LTA4H: variants seen among roughly 807,000 people sequenced by gnomAD.
The protein encoded by LTA4H is leukotriene A4 hydrolase, also known as leukotriene A-4 hydrolase.
LTA4H carries 59 observed loss-of-function variants against 89.8 expected under a neutral mutation model. The ratio of observed to expected loss-of-function variants is 0.66; its 90% confidence interval spans 0.53 to 0.82. The LOEUF is 0.82. LTA4H is among the 40% of genes least tolerant of loss of function. The pLI is 0.00. For missense variants in LTA4H, 617 were observed against 727.0 expected (o/e 0.85, Z 1.74); for synonymous variants, 227 against 253.1 (o/e 0.90, Z 0.98).
At chr12:96,002,472 T>C (rs889906256) in intron 18 of LTA4H, among the ~76,000 whole-genome samples, 11 of 152,208 alleles carry the variant, frequency 7.2e-5, no homozygotes, top group African/African-American at 2.7e-4. Context: ...AGACCTTGAC[T>C]GAGATATTCT....
intron 1 of LTA4H, among the ~76,000 whole-genome samples, chr12:96,034,941 C>G (rs1950620181): frequency 6.6e-6 from 1 of 152,128 alleles, no homozygotes; most frequent in Admixed American, 6.5e-5. Flanking sequence ...GGTTCTGGGC[C>G]GCAGGCCGAA....
intron 18 of LTA4H, among the ~76,000 whole-genome samples, chr12:96,001,903 G>A (rs1428046132): frequency 2.0e-5 from 3 of 151,656 alleles, no homozygotes; most frequent in African/African-American, 7.3e-5. Context: ...GGCTGGAGGA[G>A]CTGGAGAGCA....
At chr12:96,039,174 C>T (rs1950670131), upstream of LTA4H, among the ~76,000 whole-genome samples, 1 of 152,048 alleles carries the variant, frequency 6.6e-6, no homozygotes, top group Admixed American at 6.6e-5. Flanking sequence ...TGCTTGAGCC[C>T]AGGAGTTTGA....
chr12:96,034,620 C>T (rs1477354019), intron 1 of LTA4H, among the ~76,000 whole-genome samples: 1 of 152,186 alleles, frequency 6.6e-6, no homozygotes, highest in Non-Finnish European at 1.5e-5. Flanking sequence ...AGAAAGGACC[C>T]TGAAGAGAGA....
upstream of LTA4H, among the ~76,000 whole-genome samples, chr12:96,036,354 G>A (rs1484790054): frequency 6.6e-6 from 1 of 152,178 alleles, no homozygotes; most frequent in Admixed American, 6.5e-5. Flanking sequence ...TGCCTTTAGG[G>A]TGGGGCCTCA....
rs1429364078 is a variant in LTA4H, at chr12:96,022,543, A to AAT, written c.481-294_481-293dup. 6.6e-6 allele frequency among the ~76,000 whole-genome samples: 1 copy of AAT among 152,194 alleles called. No individual in the cohort carries two copies. The highest frequency in any genetic ancestry group is 1.9e-4 in the East Asian group (1 of 5,202). Reference sequence around the variant, plus strand: ...TATCAGTTTTGTAAATAAAATTAGCAATATGGGAAACTGGCTTCTTTAAAA... The same window carrying AAT: ...TATCAGTTTTGTAAATAAAATTAGCAATATATGGGAAACTGGCTTCTTTAAAA... On this transcript the variant is annotated intron_variant, in intron 4 of 18. Coordinates refer to ENST00000228740, the MANE Select transcript of LTA4H (RefSeq NM_000895.3). The surrounding 1 kb of genome is among the most constrained non-coding windows in gnomAD (Gnocchi z 4.0).
intron 4 of LTA4H, among the ~76,000 whole-genome samples, chr12:96,023,766 T>C (rs1566013611): frequency 6.6e-6 from 1 of 152,190 alleles, no homozygotes; most frequent in Non-Finnish European, 1.5e-5. Context: ...TACAGACAAG[T>C]CTGGAATATA....
chr12:96,006,303 C>A lies in LTA4H; in HGVS notation c.1530+11G>T. 6.4e-7 allele frequency: 1 copy of A among 1,556,738 alleles called. No individual in the cohort carries two copies. The highest frequency in any genetic ancestry group is 2.3e-5 in the East Asian group (1 of 44,288). The stretch of plus-strand genomic sequence containing the variant: ...CCATTTTAATTTCTAAGATTTTGAG[C>A]TAGTACTTACCCTCTGGAGCGTCTG... On this transcript the variant is annotated intron_variant, in intron 16 of 18. Transcript: ENST00000228740.
rs79311482 is a variant in LTA4H at position 96,043,292 on chromosome 12, T to C, written c.84A>G (p.Leu28=). The C allele has an allele frequency of 1.5e-3, 2,226 of 1,533,856 alleles. 43 individuals are homozygous for C. The African/African-American group carries it at 0.027, about 19-fold the overall frequency. The change falls in exon 1 of 18, where the codon TTA becomes TTG. Residue 28 remains leucine (L), a synonymous_variant. Coordinates refer to the LTA4H transcript ENST00000413268. ...TGAGAAGGAGCTTGGAACTTACCTT[T>C]AAGGCTGCAAGAAGTCGACGAGTCT...
chr12:96,026,221 G>A (rs1445570286), intron 3 of LTA4H, among the ~76,000 whole-genome samples: 1 of 152,100 alleles, frequency 6.6e-6, no homozygotes, highest in Non-Finnish European at 1.5e-5. Context: ...AACACCAAAG[G>A]GGTTTTTAAA....
At chr12:96,013,888 A>C (rs1950340416) in intron 12 of LTA4H, 35 bp from the exon 13 acceptor site, 2 of 949,264 alleles carry the variant, frequency 2.1e-6, no homozygotes, top group Non-Finnish European at 3.3e-6. Flanking sequence ...CAATTCATAG[A>C]AAGGTAATTA....
Position 96,022,817 on chromosome 12 carries a change from C to T in LTA4H, c.481-566G>A, listed in dbSNP as rs563018778. Among the ~76,000 whole-genome samples the T allele has an allele frequency of 1.4e-3, 212 of 152,246 alleles. No individual in the cohort carries two copies. Among genetic ancestry groups the T allele is most frequent in the Non-Finnish European group, 1.8e-3 (123 of 68,024 alleles). On this transcript the variant is annotated intron_variant, in intron 4 of 18. Coordinates refer to ENST00000228740, the MANE Select transcript of LTA4H (RefSeq NM_000895.3). The surrounding 1 kb of genome is among the most constrained non-coding windows in gnomAD (Gnocchi z 4.0). The stretch of plus-strand genomic sequence containing the variant: ...CAATGGCAGCCACCATCCCTGCTCC[C>T]GCTACACTCACAAAACAGATTCAAA...
upstream of LTA4H, among the ~76,000 whole-genome samples, chr12:96,037,588 T>G (rs1950659092): frequency 6.6e-6 from 1 of 150,986 alleles, no homozygotes; most frequent in Non-Finnish European, 1.5e-5. Flanking sequence ...GATTGAGCAA[T>G]GAAGAGAAGA....
chr12:96,002,969 G>C lies in LTA4H; in HGVS notation c.1709C>G (p.Pro570Arg), dbSNP rs1392357696. The change falls in exon 18 of 19, where the codon CCC (proline) becomes CGC (arginine). Residue 570 changes from proline (P) to arginine (R), a missense_variant. Physicochemically the swap from Pro to Arg is moderately radical, Grantham distance 103. Coordinates refer to ENST00000228740, the MANE Select transcript of LTA4H (RefSeq NM_000895.3). ...TEQGRMKFTR[P>R]LFKDLAAFDK... ...CTGAGTGGGTTCTTACTTGAATAAG[G>C]GCCGGGTAAACTTCATTCTTCCTTG... 1.2e-5 allele frequency: 19 copies of C among 1,596,058 alleles called. No individual in the cohort carries two copies. The highest frequency in any genetic ancestry group is 1.6e-5 in the Non-Finnish European group (19 of 1,170,046).
intron 1 of LTA4H, among the ~76,000 whole-genome samples, chr12:96,042,011 T>G (rs1417688856): frequency 6.8e-6 from 1 of 145,998 alleles, no homozygotes; most frequent in Non-Finnish European, 1.5e-5. Context: ...TTTGACAGGG[T>G]CTTGCTTTGT....
chr12:96,006,519 A>G, intron 15 of LTA4H, 110 bp from the exon 16 acceptor site: 3 of 561,044 alleles, frequency 5.3e-6, no homozygotes, highest in South Asian at 5.6e-5. Flanking sequence ...TGAATGAACA[A>G]GATTATTCAA....
chr12:96,000,817 G>A lies in LTA4H; in HGVS notation c.*172C>T, dbSNP rs929649215. The A allele has an allele frequency of 4.3e-5, 22 of 513,282 alleles. No individual in the cohort carries two copies. Among genetic ancestry groups the A allele is most frequent in the African/African-American group, 4.0e-4 (21 of 52,426 alleles). The allele number at this position is 513,282 out of a possible 1,614,324, so 31.8% of individuals were successfully genotyped here. ...ATTAAACCTTGTTAAAATTTACAAA[G>A]AATATGCCACTATAAGAAGAAGTAG... is the stretch of plus-strand genomic sequence containing the variant. On this transcript the variant is annotated 3_prime_UTR_variant, in exon 19 of 19. Coordinates refer to ENST00000228740, the MANE Select transcript of LTA4H (RefSeq NM_000895.3).
At chr12:96,034,695 T>C (rs972754324) in intron 1 of LTA4H, among the ~76,000 whole-genome samples, 1 of 152,218 alleles carries the variant, frequency 6.6e-6, no homozygotes, top group Non-Finnish European at 1.5e-5. Context: ...AGAAGAGGCC[T>C]GCCCGGCCGG....
chr12:96,027,710 C>A, intron 2 of LTA4H, 146 bp from the exon 3 acceptor site: 1 of 444,008 alleles, frequency 2.3e-6, no homozygotes, highest in South Asian at 3.2e-5. Flanking sequence ...GCCACATCCT[C>A]AGTGGGTAAG....
Sources: gnomAD v4.1 joint callset for allele counts (sites outside exome capture counted in the v4.1 genomes callset) on GRCh38, gnomAD v4.1.1 for gene constraint, Gnocchi (gnomAD v3.1) non-coding constraint, MANE v1.5 for transcripts, NCBI Gene and HGNC (gene_info 2026-07-23, HGNC 2026-07-21) for gene names.